The following RBCK1 variants were observed in gnomAD, a reference collection of about 807,000 sequenced individuals.
The protein encoded by RBCK1 is RANBP2-type and C3HC4-type zinc finger containing 1, also known as ranBP-type and C3HC4-type zinc finger-containing protein 1.
A neutral mutation model predicts 71.1 loss-of-function variants in RBCK1; 44 were observed. The observed-to-expected ratio is 0.62, with a 90% CI of 0.49 to 0.80. The LOEUF (loss-of-function observed/expected upper bound fraction) is 0.80, where lower values mean the gene tolerates loss of function less well. RBCK1 is among the 30% of genes least tolerant of loss of function. RBCK1 has a pLI of 0.00. For synonymous variants in RBCK1, 306 were observed against 279.7 expected (o/e 1.09, Z -0.94); for missense variants, 569 against 685.0 (o/e 0.83, Z 1.89).
intron 4 of RBCK1, among the ~76,000 whole-genome samples, chr20:418,572 G>GCA (rs2016154768): frequency 1.3e-5 from 2 of 152,100 alleles, no homozygotes; most frequent in Non-Finnish European, 2.9e-5. Flanking sequence ...GTTTCACCGT[G>GCA]TTAGCCAGGA....
rs541719568 is a variant in RBCK1, at chr20:428,765, G to A, written c.1308+176G>A. Reference sequence around the variant, plus strand: ...GCCGAATGGTCATGTCAGGAAGAGCGTCTGGGTGGAGGGTGGAGACCACAG... The same window carrying A: ...GCCGAATGGTCATGTCAGGAAGAGCATCTGGGTGGAGGGTGGAGACCACAG... On this transcript the variant is annotated intron_variant, in intron 10 of 11. Coordinates refer to ENST00000356286, the MANE Select transcript of RBCK1 (RefSeq NM_031229.4). The surrounding 1 kb of genome is among the most constrained non-coding windows in gnomAD (Gnocchi z 5.7). 6.4e-5 allele frequency: 90 copies of A among 1,415,212 alleles called. No homozygotes were observed. The highest frequency in any genetic ancestry group is 2.4e-4 in the South Asian group (16 of 66,118). The allele number at this position is 1,415,212 out of a possible 1,614,324, so 87.7% of individuals were successfully genotyped here.
intron 2 of RBCK1, chr20:410,380 GT>G (rs1488689818): frequency 5.1e-6 from 4 of 777,840 alleles, no homozygotes; most frequent in Non-Finnish European, 9.6e-6. Context: ...GGCTCATATT[GT>G]TTCTCTCACC....
In RBCK1 at chr20:430,294, G is replaced by A. The variant is rs1600319242; in HGVS notation, c.1453-56G>A. ...GCCCGGGGTGGGAGAGCGCTCGGCTGTGGGGGCAGTCTCTGCACTGCGCTG... is the reference window on the plus strand; with the variant it reads ...GCCCGGGGTGGGAGAGCGCTCGGCTATGGGGGCAGTCTCTGCACTGCGCTG... On this transcript the variant is annotated intron_variant, in intron 11 of 11. Coordinates refer to ENST00000356286, the MANE Select transcript of RBCK1 (RefSeq NM_031229.4). This position sits in a 1 kb window ranked among gnomAD's most constrained non-coding sequence, Gnocchi z 5.6. 6.7e-7 allele frequency: 1 copy of A among 1,485,466 alleles called. No individual in the cohort carries two copies. Among genetic ancestry groups the A allele is most frequent in the African/African-American group, 1.4e-5 (1 of 72,248 alleles). The allele number at this position is 1,485,466 out of a possible 1,614,324, so 92.0% of individuals were successfully genotyped here.
At position 428,721 on chromosome 20, in the gene RBCK1, A is replaced by G; in HGVS notation, c.1308+132A>G. On this transcript the variant is annotated intron_variant, in intron 10 of 11. Transcript: ENST00000356286. This position sits in a 1 kb window ranked among gnomAD's most constrained non-coding sequence, Gnocchi z 5.7. ...GACCTCCCTTCTGGCTGTCACTCCC[A>G]TCCGGAGGTGGGACTTAGGCCGAAT... 1 of 1,369,268 alleles carries G rather than the reference A, an allele frequency of 7.3e-7. No individual in the cohort carries two copies. Among genetic ancestry groups the G allele is most frequent in the East Asian group, 2.6e-5 (1 of 39,140 alleles). 84.8% of individuals were successfully genotyped at this position (1,369,268 alleles called of 1,614,324 possible).
In RBCK1 at chr20:428,486, T is replaced by C; in HGVS notation, c.1210-5T>C. The C allele has an allele frequency of 6.2e-7, 1 of 1,600,486 alleles. No individual in the cohort carries two copies. The highest frequency in any genetic ancestry group is 8.5e-7 in the Non-Finnish European group (1 of 1,173,744). On this transcript the variant is annotated splice_region_variant and splice_polypyrimidine_tract_variant and intron_variant, in intron 9 of 11. Coordinates refer to ENST00000356286, the MANE Select transcript of RBCK1 (RefSeq NM_031229.4). The surrounding 1 kb of genome is among the most constrained non-coding windows in gnomAD (Gnocchi z 5.7). ...TTCTTACCTTGAGTCCCTCACCCGC[T>C]ACAGGCCATCCATGAGCAGATGAAC...
chr20:427,678 C>T (rs2016807702), intron 9 of RBCK1, among the ~76,000 whole-genome samples, 186 bp downstream of exon 9: 1 of 152,076 alleles, frequency 6.6e-6, no homozygotes, highest in Non-Finnish European at 1.5e-5. Flanking sequence ...AGACGGAGTC[C>T]CAGCCCCAGC....
chr20:429,055 G>C lies in RBCK1; in HGVS notation c.1413G>C (p.Glu471Asp). The change falls in exon 11 of 12, where the codon GAG becomes GAC. Residue 471 changes from glutamate to aspartate, a missense_variant. Physicochemically the swap from Glu to Asp is conservative, Grantham distance 45 (BLOSUM62 2). Coordinates refer to ENST00000356286, the MANE Select transcript of RBCK1 (RefSeq NM_031229.4). ...DWIRCTVCHT[E>D]ICWVTKGPRW... ...TCCGCTGCACCGTCTGCCACACCGA[G>C]ATCTGCTGGGTCACCAAGGGCCCAC... The C allele has an allele frequency of 6.2e-7, 1 of 1,613,136 alleles. No individual in the cohort carries two copies. Among genetic ancestry groups the C allele is most frequent in the Non-Finnish European group, 8.5e-7 (1 of 1,179,934 alleles).
chr20:418,659 C>T (rs577720734), intron 4 of RBCK1, among the ~76,000 whole-genome samples: 65 of 152,344 alleles, frequency 4.3e-4, no homozygotes, highest in East Asian at 7.7e-4. Flanking sequence ...TGAGCCACCA[C>T]GCCCAACCCA....
rs1210742944 is a variant in RBCK1 at position 430,342 on chromosome 20, T to C, written c.1453-8T>C. 6.2e-7 allele frequency: 1 copy of C among 1,600,810 alleles called. No individual in the cohort carries two copies. Among genetic ancestry groups the C allele is most frequent in the African/African-American group, 1.3e-5 (1 of 74,606 alleles). On this transcript the variant is annotated splice_polypyrimidine_tract_variant and splice_region_variant and intron_variant, in intron 11 of 11. Transcript: ENST00000356286. This position sits in a 1 kb window ranked among gnomAD's most constrained non-coding sequence, Gnocchi z 5.6. ...CTGACATTCTCTTCTCTTCCTCCCA[T>C]CCTCTAGGGCCCAGGAGACACCAGC... is the stretch of plus-strand genomic sequence containing the variant.
Position 420,995 on chromosome 20 carries a change from C to A in RBCK1, c.881C>A (p.Ala294Asp). The change falls in exon 7 of 12, where the codon GCC becomes GAC. Residue 294 changes from alanine (A) to aspartate (D), a missense_variant. By Grantham distance (126) the Ala-to-Asp change is moderately radical. Around this residue, in one of 2 missense-constraint regions of RBCK1, gnomAD observed 211 missense variants for 309.4 expected, o/e 0.68. Coordinates refer to ENST00000356286, the MANE Select transcript of RBCK1 (RefSeq NM_031229.4). Reference sequence around the variant, plus strand: ...TACTCGGTGCTGGCGCCCGGCGAGGCCGTGGTGCTGCGTGAGTGTCTGCAC... The same window carrying A: ...TACTCGGTGCTGGCGCCCGGCGAGGACGTGGTGCTGCGTGAGTGTCTGCAC... ...VCYSVLAPGE[A>D]VVLRECLHTF... 1 of 1,566,118 alleles carries A rather than the reference C, an allele frequency of 6.4e-7. No homozygotes were observed. The highest frequency in any genetic ancestry group is 1.9e-4 in the Middle Eastern group (1 of 5,132).
chr20:419,922 C>T, intron 6 of RBCK1, 191 bp downstream of exon 6: 1 of 1,422,820 alleles, frequency 7.0e-7, no homozygotes, highest in Admixed American at 2.9e-5. Flanking sequence ...TCAAAGGTCA[C>T]CCTGTGGCTG....
At chr20:419,286 C>A in intron 4 of RBCK1, 61 bp from the exon 5 acceptor site, 1 of 1,603,460 alleles carries the variant, frequency 6.2e-7, no homozygotes, top group Non-Finnish European at 8.5e-7. Context: ...GGAGACCCAC[C>A]CCCATGGGTG....
chr20:422,313 T>A lies in RBCK1; in HGVS notation c.1029+75T>A. ...CTGGGCCCTGAGCAGGCAGCAGACATCTTTCTTTTCTTTCTTTTTTTTTTT... is the reference window on the plus strand; with the variant it reads ...CTGGGCCCTGAGCAGGCAGCAGACAACTTTCTTTTCTTTCTTTTTTTTTTT... On this transcript the variant is annotated intron_variant, in intron 8 of 11. Coordinates refer to ENST00000356286, the MANE Select transcript of RBCK1 (RefSeq NM_031229.4). The surrounding 1 kb of genome is among the most constrained non-coding windows in gnomAD (Gnocchi z 5.0). 2 of 1,148,066 alleles carry A rather than the reference T, an allele frequency of 1.7e-6. No individual in the cohort carries two copies. Among genetic ancestry groups the A allele is most frequent in the Non-Finnish European group, 2.5e-6 (2 of 785,508 alleles). 71.1% of individuals were successfully genotyped at this position (1,148,066 alleles called of 1,614,324 possible).
intron 8 of RBCK1, among the ~76,000 whole-genome samples, chr20:426,538 T>C (rs2016723663): frequency 6.6e-6 from 1 of 152,198 alleles, no homozygotes; most frequent in Non-Finnish European, 1.5e-5. Flanking sequence ...GATTGCATTC[T>C]TTTTTGTGGC....
chr20:418,475 T>G (rs999477107), intron 4 of RBCK1, among the ~76,000 whole-genome samples: 8 of 152,146 alleles, frequency 5.3e-5, no homozygotes, highest in Non-Finnish European at 7.4e-5. Context: ...TTCACGCCAT[T>G]CTCCTGCCTC....
intron 2 of RBCK1, among the ~76,000 whole-genome samples, chr20:416,154 C>CTTT (rs548467650): frequency 3.7e-5 from 5 of 133,470 alleles, no homozygotes; most frequent in African/African-American, 5.6e-5. Context: ...TCAGCAGTCA[C>CTTT]TTTTTTTTTT....
In RBCK1 at chr20:419,671, C is replaced by CGACGAGGAGGAGCGAGCGCGCCTGGCG; in HGVS notation, c.698_724dup (p.Asp233_Ala241dup). ...ACCAGGTCCCCGCCTCATACCAGCC[C>CGACGAGGAGGAGCGAGCGCGCCTGGCG]GACGAGGAGGAGCGAGCGCGCCTGG... On this transcript the variant is annotated inframe_insertion, in exon 6 of 12. Transcript: ENST00000356286. 1 of 1,581,388 alleles carries CGACGAGGAGGAGCGAGCGCGCCTGGCG rather than the reference C, an allele frequency of 6.3e-7. No homozygotes were observed. Among genetic ancestry groups the CGACGAGGAGGAGCGAGCGCGCCTGGCG allele is most frequent in the African/African-American group, 1.3e-5 (1 of 74,430 alleles).
In RBCK1 at chr20:427,450, C is replaced by T; in HGVS notation, c.1167C>T (p.Phe389=). Residue 389 remains phenylalanine, a synonymous_variant, in exon 9 of 12, where the codon TTC becomes TTT. Transcript: ENST00000356286. ...TCTTTGAGGATGATGTCAATGAGTT[C>T]ACCTGCCCTGTGTGTTTCCACGTCA... ...WCFFEDDVNE[F]TCPVCFHVNC... is the part of the protein sequence containing the mutation. 1 of 1,614,060 alleles carries T rather than the reference C, an allele frequency of 6.2e-7. No homozygotes were observed. Among genetic ancestry groups the T allele is most frequent in the Non-Finnish European group, 8.5e-7 (1 of 1,180,026 alleles).
intron 4 of RBCK1, among the ~76,000 whole-genome samples, chr20:418,689 TTC>T (rs1234718335): frequency 6.6e-6 from 1 of 152,218 alleles, no homozygotes; most frequent in Non-Finnish European, 1.5e-5. Flanking sequence ...TCTTTTATCA[TTC>T]TCTTTCTATA....
Sources: allele counts gnomAD v4.1 joint callset (sites outside exome capture counted in the v4.1 genomes callset), GRCh38; gene constraint gnomAD v4.1.1; regional missense constraint gnomAD v4.1.1; non-coding constraint Gnocchi (gnomAD v3.1); transcripts MANE v1.5; gene names NCBI Gene and HGNC (gene_info 2026-07-23, HGNC 2026-07-21).